PDE4B: variants seen among roughly 807,000 people sequenced by gnomAD.
PDE4B encodes phosphodiesterase 4B, also known as 3',5'-cyclic-AMP phosphodiesterase 4B.
A neutral mutation model predicts 82.2 loss-of-function variants in PDE4B; 20 were observed. The observed-to-expected ratio is 0.24, with a 90% CI of 0.17 to 0.35. The LOEUF (loss-of-function observed/expected upper bound fraction) is 0.35. PDE4B is among the 10% of genes least tolerant of loss of function. The pLI is 1.00. For missense variants in PDE4B, 655 were observed against 907.2 expected (o/e 0.72, Z 3.57); for synonymous variants, 320 against 318.9 (o/e 1.00, Z -0.04).
At chr1:65,973,170 T>C (rs575815402) in intron 3 of PDE4B, among the ~76,000 whole-genome samples, 7 of 152,234 alleles carry the variant, frequency 4.6e-5, no homozygotes, top group East Asian at 3.9e-4. Context: ...CCCATTTCCA[T>C]AGAAGGAAAC....
intron 6 of PDE4B, 47 bp from the exon 7 acceptor site, chr1:66,265,991 G>C: frequency 1.4e-6 from 2 of 1,446,600 alleles, no homozygotes; most frequent in Non-Finnish European, 1.9e-6. Context: ...GGTGGAATGG[G>C]CAGTTTTGAT....
At position 65,884,939 on chromosome 1, in the gene PDE4B, G is replaced by T. The variant is rs140220945; in HGVS notation, c.-70-28306G>T. On this transcript the variant is annotated intron_variant, in intron 1 of 16. Coordinates refer to ENST00000341517, the MANE Select transcript of PDE4B (RefSeq NM_002600.4). ...TGAACAGGCAACCTACAGAATGGGAGAAAAGTTTTGCAATCTACTCATCTA... is the reference window on the plus strand; with the variant it reads ...TGAACAGGCAACCTACAGAATGGGATAAAAGTTTTGCAATCTACTCATCTA... Among the ~76,000 whole-genome samples, 351 of 152,164 alleles carry T rather than the reference G, an allele frequency of 2.3e-3. 8 individuals carry two copies. In the East Asian group the frequency reaches 0.05, roughly 22 times the overall value.
At chr1:66,140,295 A>T (rs11801007) in intron 3 of PDE4B, among the ~76,000 whole-genome samples, 13,458 of 152,214 alleles carry the variant, frequency 0.088, 1,281 homozygotes, top group African/African-American at 0.23. Flanking sequence ...ACCGCCTCAG[A>T]GAGGGCCAGG....
intron 1 of PDE4B, among the ~76,000 whole-genome samples, chr1:65,894,806 G>T (rs950714746): frequency 6.6e-6 from 1 of 152,060 alleles, no homozygotes; most frequent in African/African-American, 2.4e-5. Context: ...TAAATCAAAA[G>T]CATAGTGAGA....
At chr1:65,830,040 C>T (rs1646064669) in intron 1 of PDE4B, among the ~76,000 whole-genome samples, 1 of 151,812 alleles carries the variant, frequency 6.6e-6, no homozygotes, top group Non-Finnish European at 1.5e-5. Flanking sequence ...TAGGGCTGGA[C>T]AGGAAAATAC....
At chr1:66,252,764 C>G (rs1010406562) in intron 4 of PDE4B, among the ~76,000 whole-genome samples, 1 of 152,064 alleles carries the variant, frequency 6.6e-6, no homozygotes, top group Non-Finnish European at 1.5e-5. Flanking sequence ...GTGGCGAAGC[C>G]CTGTCTCTAC....
intron 1 of PDE4B, among the ~76,000 whole-genome samples, chr1:65,838,473 C>CTATATATATATGTATATG (rs780110235): frequency 0.027 from 3,955 of 146,742 alleles, 121 homozygotes; most frequent in Non-Finnish European, 0.046. Context: ...TAGATTGTCA[C>CTATATATATATGTATATG]TATATATATA....
chr1:66,333,693 C>T (rs994588279), intron 8 of PDE4B, among the ~76,000 whole-genome samples: 2 of 152,116 alleles, frequency 1.3e-5, no homozygotes, highest in African/African-American at 2.4e-5. Flanking sequence ...GTAAAAGTAC[C>T]ACCTTTGGAT....
chr1:65,870,381 C>T (rs1180664476), intron 1 of PDE4B, among the ~76,000 whole-genome samples: 1 of 152,088 alleles, frequency 6.6e-6, no homozygotes, highest in Non-Finnish European at 1.5e-5. Context: ...CCTTTGCTTC[C>T]TTGCTACCAG....
intron 1 of PDE4B, among the ~76,000 whole-genome samples, chr1:65,864,418 C>T (rs569699797): frequency 6.3e-4 from 95 of 151,984 alleles, no homozygotes; most frequent in Non-Finnish European, 1.2e-3. Context: ...AGAGGAGTTG[C>T]GATCATTTGG....
intron 3 of PDE4B, among the ~76,000 whole-genome samples, chr1:66,015,145 A>C (rs1321494963): frequency 6.6e-6 from 1 of 152,056 alleles, no homozygotes; most frequent in Non-Finnish European, 1.5e-5. Flanking sequence ...ACTTTCTTTC[A>C]CCATAATTTT....
At chr1:65,872,104 T>G (rs1282240503) in intron 1 of PDE4B, among the ~76,000 whole-genome samples, 1 of 152,180 alleles carries the variant, frequency 6.6e-6, no homozygotes, top group Non-Finnish European at 1.5e-5. Flanking sequence ...GTTATTCAAT[T>G]TCTTCCTTTG....
At chr1:66,089,688 T>C (rs1290634115) in intron 3 of PDE4B, among the ~76,000 whole-genome samples, 1 of 152,092 alleles carries the variant, frequency 6.6e-6, no homozygotes, top group Non-Finnish European at 1.5e-5. Context: ...TAAACATTTG[T>C]AAACTTCTTA....
chr1:66,362,196 A>G (rs1662833416), intron 10 of PDE4B, among the ~76,000 whole-genome samples: 1 of 152,228 alleles, frequency 6.6e-6, no homozygotes, highest in Admixed American at 6.5e-5. Context: ...GGAAAGGTCA[A>G]TAGGCAGGTC....
At chr1:66,347,471 A>G (rs1348635633) in intron 8 of PDE4B, among the ~76,000 whole-genome samples, 1 of 152,250 alleles carries the variant, frequency 6.6e-6, no homozygotes, top group African/African-American at 2.4e-5. Context: ...CTTAGGGATT[A>G]CTGAAATATC....
chr1:65,923,521 C>G (rs1483554613), intron 3 of PDE4B, among the ~76,000 whole-genome samples: 1 of 152,140 alleles, frequency 6.6e-6, no homozygotes, highest in Non-Finnish European at 1.5e-5. Flanking sequence ...TGGATTTTCC[C>G]AGATACTTAC....
At chr1:65,991,038 G>T (rs1651212790) in intron 3 of PDE4B, among the ~76,000 whole-genome samples, 1 of 151,534 alleles carries the variant, frequency 6.6e-6, no homozygotes. Flanking sequence ...TAGTCCTTTA[G>T]ATATTTAGCA....
chr1:66,296,637 T>C (rs553600891), intron 7 of PDE4B, among the ~76,000 whole-genome samples: 11 of 152,292 alleles, frequency 7.2e-5, no homozygotes, highest in Admixed American at 2.0e-4. Flanking sequence ...GTGAGTGTTA[T>C]TAAATAATGG....
chr1:66,300,499 G>A (rs1657808290), intron 7 of PDE4B, among the ~76,000 whole-genome samples: 1 of 152,152 alleles, frequency 6.6e-6, no homozygotes, highest in Non-Finnish European at 1.5e-5. Context: ...ATGTGAGGGA[G>A]GGCGATTTGG....
Sources: allele counts gnomAD v4.1 joint callset (sites outside exome capture counted in the v4.1 genomes callset), GRCh38; gene constraint gnomAD v4.1.1; transcripts MANE v1.5; gene names NCBI Gene and HGNC (gene_info 2026-07-23, HGNC 2026-07-21).